IL1RAPL2: variants seen among roughly 807,000 people sequenced by gnomAD.
The protein encoded by IL1RAPL2 is X-linked interleukin-1 receptor accessory protein-like 2.
Under a neutral mutation model 44.1 loss-of-function variants are expected in IL1RAPL2, and 3 were observed. That is an observed-to-expected ratio of 0.07 (90% CI 0.03 to 0.18). The LOEUF (loss-of-function observed/expected upper bound fraction) is 0.18, where lower values mean the gene tolerates loss of function less well. Among genes scored for constraint, IL1RAPL2 ranks in the 10% least tolerant of loss-of-function variants. IL1RAPL2 has a pLI of 1.00. For synonymous variants in IL1RAPL2, 181 were observed against 178.8 expected (o/e 1.01, Z -0.10); for missense variants, 391 against 496.4 (o/e 0.79, Z 2.02).
intron 2 of IL1RAPL2, among the ~76,000 whole-genome samples, chrX:104,937,880 C>A (rs903082396): frequency 8.0e-5 from 9 of 112,342 alleles, no homozygotes; most frequent in African/African-American, 2.9e-4. Flanking sequence ...GACATCTTTA[C>A]ATTTAGCTGC....
chrX:105,054,900 A>T (rs1296690542), intron 2 of IL1RAPL2, among the ~76,000 whole-genome samples: 1 of 112,547 alleles, frequency 8.9e-6, no homozygotes, highest in African/African-American at 3.2e-5. Context: ...TAAATTTCAC[A>T]TTTGTAAACA....
At chrX:104,700,436 AT>A (rs1454062417) in intron 2 of IL1RAPL2, among the ~76,000 whole-genome samples, 2 of 110,884 alleles carry the variant, frequency 1.8e-5, no homozygotes, top group Non-Finnish European at 3.8e-5. Context: ...TTACTCTTGT[AT>A]TTTCTCCTTA....
intron 2 of IL1RAPL2, among the ~76,000 whole-genome samples, chrX:104,731,960 A>T (rs1013369030): frequency 8.9e-6 from 1 of 112,185 alleles, no homozygotes; most frequent in African/African-American, 3.2e-5. Context: ...AGCCTCTATA[A>T]ACACCTCTTT....
rs764931810 is a variant in IL1RAPL2 at position 104,711,602 on chromosome X, TAG to T, written c.82+52610_82+52611del. ...TTTATCTGTGTGCTAAGAGATGAGA[TAG>T]AGGCTAGTGGCATGAGAAAAGCAAA... On this transcript the variant is annotated intron_variant, in intron 2 of 10. Transcript: ENST00000372582. Among the ~76,000 whole-genome samples, 15 of 109,339 alleles carry T rather than the reference TAG, an allele frequency of 1.4e-4. No individual in the cohort carries two copies. The East Asian group carries it at 2.9e-3, about 21-fold the overall frequency. The allele number at this position is 109,339 out of a possible 115,157, so 94.9% of individuals were successfully genotyped here.
chrX:105,235,147 T>A (rs781871145), intron 4 of IL1RAPL2, among the ~76,000 whole-genome samples: 6 of 112,106 alleles, frequency 5.4e-5, no homozygotes, highest in Non-Finnish European at 7.5e-5. Context: ...AGGCAGGAGA[T>A]AGAATCAATA....
rs139261380 is a variant in IL1RAPL2, at chrX:105,556,447, A to C, written c.772+72060A>C. Among the ~76,000 whole-genome samples the C allele has an allele frequency of 6.2e-3, 691 of 111,077 alleles. 3 individuals are homozygous for C. The highest frequency in any genetic ancestry group is 0.033 in the South Asian group (87 of 2,655). The stretch of plus-strand genomic sequence containing the variant: ...ACTCCATCTTTTGAGCCTTTAAGCC[A>C]AACTGCTTTTTTCTCCTGAGATTCT... On this transcript the variant is annotated intron_variant, in intron 6 of 10. Transcript: ENST00000372582.
intron 9 of IL1RAPL2, among the ~76,000 whole-genome samples, chrX:105,752,417 C>T (rs2038604460): frequency 8.9e-6 from 1 of 112,160 alleles, no homozygotes; most frequent in Admixed American, 9.4e-5. Flanking sequence ...GAAAATTCTT[C>T]TACAAAACGT....
chrX:104,989,308 C>A (rs759986111), intron 2 of IL1RAPL2, among the ~76,000 whole-genome samples: 1 of 111,466 alleles, frequency 9.0e-6, no homozygotes, highest in East Asian at 2.8e-4. Context: ...TACTTCTAGT[C>A]CCAAAGAGAG....
chrX:105,335,003 C>A (rs190778936), intron 5 of IL1RAPL2, among the ~76,000 whole-genome samples: 1 of 111,158 alleles, frequency 9.0e-6, no homozygotes, highest in African/African-American at 3.3e-5. Context: ...AAGATGAATT[C>A]TTGAGACAAA....
chrX:105,659,745 A>G (rs933235370), intron 6 of IL1RAPL2, among the ~76,000 whole-genome samples: 2 of 110,206 alleles, frequency 1.8e-5, no homozygotes, highest in Non-Finnish European at 3.8e-5. Flanking sequence ...AGAAGAATGT[A>G]TCACATTCTC....
chrX:105,204,168 G>A (rs1020325832), intron 3 of IL1RAPL2, among the ~76,000 whole-genome samples: 14 of 111,235 alleles, frequency 1.3e-4, no homozygotes, highest in African/African-American at 4.3e-4. Flanking sequence ...AAGGAAACCC[G>A]CCACTCTCCC....
intron 2 of IL1RAPL2, among the ~76,000 whole-genome samples, chrX:105,190,518 G>A (rs1282150655): frequency 8.0e-5 from 9 of 112,345 alleles, no homozygotes; most frequent in African/African-American, 2.9e-4. Flanking sequence ...ATGGGATTAA[G>A]TTTACATAGT....
At chrX:104,814,714 A>C (rs1002888134) in intron 2 of IL1RAPL2, among the ~76,000 whole-genome samples, 2 of 112,274 alleles carry the variant, frequency 1.8e-5, no homozygotes, top group African/African-American at 6.5e-5. Flanking sequence ...GATTTAGATG[A>C]AACATCTATT....
intron 3 of IL1RAPL2, among the ~76,000 whole-genome samples, chrX:105,221,411 C>CA (rs782121555): frequency 0.026 from 1,610 of 62,826 alleles, 24 homozygotes; most frequent in Admixed American, 0.075. Flanking sequence ...AAACAACAAC[C>CA]AAAAAAAAAA....
intron 2 of IL1RAPL2, among the ~76,000 whole-genome samples, chrX:104,728,999 C>T (rs1188088539): frequency 9.0e-6 from 1 of 111,242 alleles, no homozygotes; most frequent in Non-Finnish European, 1.9e-5. Context: ...TGTTGATCAC[C>T]TTTAGACTTT....
intron 2 of IL1RAPL2, among the ~76,000 whole-genome samples, chrX:104,677,631 C>T (rs892286923): frequency 6.2e-5 from 7 of 112,636 alleles, no homozygotes; most frequent in Admixed American, 4.7e-4. Context: ...CTGCCCAGTT[C>T]GAGCTTCATG....
intron 5 of IL1RAPL2, among the ~76,000 whole-genome samples, chrX:105,409,944 A>G (rs753955700): frequency 6.4e-5 from 7 of 109,966 alleles, no homozygotes; most frequent in Non-Finnish European, 9.5e-5. Flanking sequence ...CTTAAGATTT[A>G]GAGTCAACAG....
chrX:105,228,401 C>T (rs371225554), intron 3 of IL1RAPL2, among the ~76,000 whole-genome samples: 37 of 111,630 alleles, frequency 3.3e-4, no homozygotes, highest in African/African-American at 1.1e-3. Context: ...TATGCTCAAA[C>T]TCTAAAACAA....
intron 5 of IL1RAPL2, among the ~76,000 whole-genome samples, chrX:105,441,421 C>T (rs1181869850): frequency 9.0e-6 from 1 of 111,120 alleles, no homozygotes; most frequent in Non-Finnish European, 1.9e-5. Flanking sequence ...TACCTGAATG[C>T]CAATAGCTAA....
Sources: allele counts gnomAD v4.1 joint callset (sites outside exome capture counted in the v4.1 genomes callset), GRCh38; gene constraint gnomAD v4.1.1; transcripts MANE v1.5; gene names NCBI Gene and HGNC (gene_info 2026-07-23, HGNC 2026-07-21).